Variants in NKX2-5 observed in about 807,000 individuals in gnomAD.
NKX2-5 encodes the protein homeobox protein Nkx-2.5.
In NKX2-5, 3 loss-of-function variants were observed where a neutral mutation model predicts 24.5. The observed-to-expected ratio is 0.12, with a 90% CI of 0.06 to 0.32. The LOEUF is 0.32. Among genes scored for constraint, NKX2-5 ranks in the 10% least tolerant of loss-of-function variants. The pLI, the probability that NKX2-5 is intolerant of heterozygous loss-of-function variation, is 1.00. For synonymous variants in NKX2-5, 215 were observed against 217.6 expected (o/e 0.99, Z 0.11); for missense variants, 429 against 452.4 (o/e 0.95, Z 0.47).
Position 173,232,678 on chromosome 5 carries a change from T to G in NKX2-5, c.866A>C (p.Asn289Thr), listed in dbSNP as rs1761343568. The G allele has an allele frequency of 3.7e-6, 6 of 1,611,434 alleles. No homozygotes were observed. Among genetic ancestry groups the G allele is most frequent in the South Asian group, 2.2e-5 (2 of 91,058 alleles). Residue 289 changes from asparagine to threonine, a missense_variant, in exon 2 of 2, where the codon AAC becomes ACC. Coordinates refer to ENST00000329198, the MANE Select transcript of NKX2-5 (RefSeq NM_004387.4). This position sits in a 1 kb window ranked among gnomAD's most constrained non-coding sequence, Gnocchi z 5.9. Reference sequence around the variant, plus strand: ...GACGCCGAAGTTCACGAAGTTGTTGTTGGCGGCGGCAGTGGCCGGCTGCGC... The same window carrying G: ...GACGCCGAAGTTCACGAAGTTGTTGGTGGCGGCGGCAGTGGCCGGCTGCGC... The part of the protein sequence containing the change: ...SPAQPATAAA[N>T]NNFVNFGVGD...
rs763099269 is a variant in NKX2-5, at chr5:173,233,505, C to CAAA, written c.335-299_335-297dup. 479 of 502,790 alleles carry CAAA rather than the reference C, an allele frequency of 9.5e-4. 8 individuals are homozygous for CAAA. Among genetic ancestry groups the CAAA allele is most frequent in the South Asian group, 2.2e-3 (72 of 32,956 alleles). 31.1% of individuals were successfully genotyped at this position (502,790 alleles called of 1,614,324 possible). A position where few individuals can be genotyped will look rare whatever the true frequency, so the allele number is the denominator to read the frequency against. On this transcript the variant is annotated intron_variant, in intron 1 of 1. Coordinates refer to ENST00000329198, the MANE Select transcript of NKX2-5 (RefSeq NM_004387.4). ...GACGGTGACTTAAAATTTCAGGCTG[C>CAAA]AAAAAAAAAAAAAATAAATAAAAAA...
rs746885826 is a variant in NKX2-5, at chr5:173,233,092, T to C, written c.452A>G (p.Tyr151Cys). The C allele has an allele frequency of 6.2e-7, 1 of 1,600,518 alleles. No homozygotes were observed. Among genetic ancestry groups the C allele is most frequent in the Non-Finnish European group, 8.5e-7 (1 of 1,174,316 alleles). The stretch of plus-strand genomic sequence containing the variant: ...CTGCTTGAAGCGCCGCTCCAGCTCA[T>C]AGACCTGCGCCTGCGAGAAGAGCAC... ...PRVLFSQAQV[Y>C]ELERRFKQQR... is the part of the protein sequence containing the mutation. The change falls in exon 2 of 2, where the codon TAT (tyrosine) becomes TGT (cysteine). Residue 151 changes from tyrosine to cysteine, a missense_variant. Around this residue, in one of 3 missense-constraint regions of NKX2-5, gnomAD observed 240 missense variants for 240.4 expected, o/e 1.00. Coordinates refer to ENST00000329198, the MANE Select transcript of NKX2-5 (RefSeq NM_004387.4).
Position 173,233,137 on chromosome 5 carries a change from C to T in NKX2-5, c.407G>A (p.Arg136Gln), listed in dbSNP as rs866619868. ...GAGCACGCGCGGCTTCCTCCGCCGT[C>T]GCGCCCGGGGCCGCTCCGCGTTGTC... ...EADNAERPRA[R>Q]RRRKPRVLFS... The change falls in exon 2 of 2, where the codon CGA becomes CAA. Residue 136 changes from arginine to glutamine, a missense_variant. By Grantham distance (43) the Arg-to-Gln change is conservative (BLOSUM62 1). Coordinates refer to ENST00000329198, the MANE Select transcript of NKX2-5 (RefSeq NM_004387.4). The T allele has an allele frequency of 6.2e-6, 10 of 1,602,134 alleles. No individual in the cohort carries two copies. Among genetic ancestry groups the T allele is most frequent in the Non-Finnish European group, 8.5e-6 (10 of 1,176,156 alleles).
In NKX2-5 at chr5:173,235,166, G is replaced by A; in HGVS notation, c.-83C>T. ...GCCCCTGGCAGCTTCCCTGCATGGT[G>A]CCGCCGCCCGCCCGCGCACCCGTCG... On this transcript the variant is annotated 5_prime_UTR_variant, in exon 1 of 2. Coordinates refer to ENST00000329198, the MANE Select transcript of NKX2-5 (RefSeq NM_004387.4). 7.3e-7 allele frequency: 1 copy of A among 1,361,702 alleles called. No individual in the cohort carries two copies. Among genetic ancestry groups the A allele is most frequent in the Non-Finnish European group, 9.9e-7 (1 of 1,008,404 alleles). The allele number at this position is 1,361,702 out of a possible 1,614,324, so 84.4% of individuals were successfully genotyped here. A position where few individuals can be genotyped will look rare whatever the true frequency, so the allele number is the denominator to read the frequency against.
In NKX2-5 at chr5:173,235,131, G is replaced by A. The variant is rs1419321826; in HGVS notation, c.-48C>T. On this transcript the variant is annotated 5_prime_UTR_variant, in exon 1 of 2. Transcript: ENST00000329198. ...CGCCAGGTGGGCGGCAGAAAGCGGC[G>A]CTGCCCACGGCCCCTGGCAGCTTCC... The A allele has an allele frequency of 1.3e-6, 2 of 1,550,592 alleles. No homozygotes were observed. The highest frequency in any genetic ancestry group is 1.7e-6 in the Non-Finnish European group (2 of 1,147,994).
At chr5:173,233,801 T>C (rs1246546168) in intron 1 of NKX2-5, 1 of 976,672 alleles carries the variant, frequency 1.0e-6, no homozygotes, top group Non-Finnish European at 1.2e-6. Flanking sequence ...CTCGAATTGG[T>C]AGCGATCAGT....
At chr5:173,234,023 T>G in intron 1 of NKX2-5, 1 of 1,277,402 alleles carries the variant, frequency 7.8e-7, no homozygotes, top group Non-Finnish European at 1.0e-6. Context: ...GATCCTGGGA[T>G]GGCCTGCGGG....
chr5:173,233,778 C>T, intron 1 of NKX2-5: 6 of 954,218 alleles, frequency 6.3e-6, no homozygotes, highest in Non-Finnish European at 7.5e-6. Context: ...TCGGAACCTG[C>T]CTTGCTGGCT....
At chr5:173,234,390 AAGG>A in intron 1 of NKX2-5, 2 of 840,752 alleles carry the variant, frequency 2.4e-6, no homozygotes, top group Non-Finnish European at 2.9e-6. Flanking sequence ...CGTAAATCCA[AAGG>A]AGATTTAAAA....
chr5:173,233,752 G>A (rs904023498), intron 1 of NKX2-5: 28 of 776,168 alleles, frequency 3.6e-5, no homozygotes, highest in African/African-American at 1.1e-4. Context: ...AAGAAGCTGC[G>A]GGTGGGCAGG....
At position 173,233,526 on chromosome 5, in the gene NKX2-5, A is replaced by T. The variant is rs558929892; in HGVS notation, c.335-317T>A. 1,941 of 885,346 alleles carry T rather than the reference A, an allele frequency of 2.2e-3. 14 individuals carry two copies. The highest frequency in any genetic ancestry group is 3.4e-3 in the Admixed American group (143 of 42,082). The allele number at this position is 885,346 out of a possible 1,614,324, so 54.8% of individuals were successfully genotyped here. A position where few individuals can be genotyped will look rare whatever the true frequency, so the allele number is the denominator to read the frequency against. Reference sequence around the variant, plus strand: ...GCTGCAAAAAAAAAAAAAATAAATAAAAAAATAAAAAAATAAAAATAAAAC... The same window carrying T: ...GCTGCAAAAAAAAAAAAAATAAATATAAAAATAAAAAAATAAAAATAAAAC... On this transcript the variant is annotated intron_variant, in intron 1 of 1. Transcript: ENST00000329198.
In NKX2-5 at chr5:173,232,949, C is replaced by CCTGCCG; in HGVS notation, c.589_594dup (p.Arg197_Gln198dup). On this transcript the variant is annotated inframe_insertion, in exon 2 of 2. Coordinates refer to ENST00000329198, the MANE Select transcript of NKX2-5 (RefSeq NM_004387.4). This position sits in a 1 kb window ranked among gnomAD's most constrained non-coding sequence, Gnocchi z 5.9. ...AGCCCCACCAGCTCCAGAGTCTGGT[C>CCTGCCG]CTGCCGCTGCCGCTTGCACTTGTAG... 9 of 1,607,048 alleles carry CCTGCCG rather than the reference C, an allele frequency of 5.6e-6. No individual in the cohort carries two copies. The highest frequency in any genetic ancestry group is 5.1e-6 in the Non-Finnish European group (6 of 1,177,444).
At chr5:173,233,517 A>AAAAAAAAAAAAAAAAAAAAAAAAAC in intron 1 of NKX2-5, 1 of 768,416 alleles carries the variant, frequency 1.3e-6, no homozygotes, top group Non-Finnish European at 2.0e-6. Flanking sequence ...AAAAAAAAAA[A>AAAAAAAAAAAAAAAAAAAAAAAAAC]AATAAATAAA....
chr5:173,235,020 G>T lies in NKX2-5; in HGVS notation c.64C>A (p.Gln22Lys), dbSNP rs764389026. Residue 22 changes from glutamine (Q) to lysine (K), a missense_variant, in exon 1 of 2, where the codon CAG (glutamine) becomes AAG (lysine). Around this residue, in one of 3 missense-constraint regions of NKX2-5, gnomAD observed 240 missense variants for 240.4 expected, o/e 1.00. Transcript: ENST00000329198. ...FSVKDILNLE[Q>K]QQRSLAAAGE... is the part of the protein sequence containing the mutation. ...GCGGCAGCCAGGCTGCGCTGCTGCTGTTCCAGGTTTAGGATGTCTTTGACT... is the reference window on the plus strand; with the variant it reads ...GCGGCAGCCAGGCTGCGCTGCTGCTTTTCCAGGTTTAGGATGTCTTTGACT... 8.7e-6 allele frequency: 14 copies of T among 1,611,696 alleles called. No individual in the cohort carries two copies. In the Admixed American group the frequency reaches 2.3e-4, roughly 27 times the overall value.
chr5:173,233,503 TG>T (rs1761378043), intron 1 of NKX2-5: 3 of 674,094 alleles, frequency 4.5e-6, no homozygotes, highest in African/African-American at 2.7e-5. Flanking sequence ...AATTTCAGGC[TG>T]CAAAAAAAAA....
chr5:173,234,896 G>T lies in NKX2-5; in HGVS notation c.188C>A (p.Ala63Glu), dbSNP rs530270916. ...PEAYAGPEAAAPGLPELRAEL... is the reference protein window; with the variant it reads ...PEAYAGPEAAEPGLPELRAEL... Reference sequence around the variant, plus strand: ...TGCGCGCAGCTCTGGGAGGCCCGGCGCAGCCGCCTCGGGCCCAGCGTAGGC... The same window carrying T: ...TGCGCGCAGCTCTGGGAGGCCCGGCTCAGCCGCCTCGGGCCCAGCGTAGGC... Residue 63 changes from alanine (A) to glutamate (E), a missense_variant, in exon 1 of 2, where the codon GCG (alanine) becomes GAG (glutamate). Coordinates refer to ENST00000329198, the MANE Select transcript of NKX2-5 (RefSeq NM_004387.4). The T allele has an allele frequency of 6.2e-7, 1 of 1,606,830 alleles. No homozygotes were observed. The highest frequency in any genetic ancestry group is 8.5e-7 in the Non-Finnish European group (1 of 1,176,678).
In NKX2-5 at chr5:173,232,777, T is replaced by C; in HGVS notation, c.767A>G (p.Tyr256Cys). ...NPYGYNAYPA[Y>C]PGYGGAACSP... ...GCAGGCCGCGCCGCCGTAACCCGGA[T>C]AGGCGGGGTAGGCGTTATAACCGTA... Residue 256 changes from tyrosine (Y) to cysteine (C), a missense_variant, in exon 2 of 2, where the codon TAT becomes TGT. Tyr to Cys is a radical substitution (Grantham distance 194, BLOSUM62 -2). Transcript: ENST00000329198. The surrounding 1 kb of genome is among the most constrained non-coding windows in gnomAD (Gnocchi z 5.9). 6.2e-7 allele frequency: 1 copy of C among 1,609,890 alleles called. No individual in the cohort carries two copies. Among genetic ancestry groups the C allele is most frequent in the African/African-American group, 1.3e-5 (1 of 74,984 alleles).
intron 1 of NKX2-5, chr5:173,234,339 A>G: frequency 1.0e-6 from 1 of 979,502 alleles, no homozygotes; most frequent in Non-Finnish European, 1.2e-6. Flanking sequence ...GCAACATTTC[A>G]ATTTCTGTTT....
chr5:173,234,682 T>C, intron 1 of NKX2-5, 68 bp downstream of exon 1: 1 of 1,351,888 alleles, frequency 7.4e-7, no homozygotes, highest in Non-Finnish European at 9.8e-7. Context: ...CTCCTCCTCC[T>C]GGCCCTGAGT....
Sources: gnomAD v4.1 joint callset for allele counts on GRCh38, gnomAD v4.1.1 for gene constraint, gnomAD v4.1.1 regional missense constraint, Gnocchi (gnomAD v3.1) non-coding constraint, MANE v1.5 for transcripts, NCBI Gene and HGNC (gene_info 2026-07-23, HGNC 2026-07-21) for gene names.